KALRN: variants seen among roughly 807,000 people sequenced by gnomAD.
The protein encoded by KALRN is kalirin.
Under a neutral mutation model 353.7 loss-of-function variants are expected in KALRN, and 70 were observed. That is an observed-to-expected ratio of 0.20 (90% CI 0.16 to 0.24). The LOEUF is 0.24. KALRN is among the 10% of genes least tolerant of loss of function. The probability of loss-of-function intolerance (pLI) is 1.00; values close to 1 mark genes in which losing one functional copy is unlikely to be tolerated. For synonymous variants in KALRN, 1,391 were observed against 1,434.8 expected (o/e 0.97, Z 0.69); for missense variants, 2,791 against 3,756.7 (o/e 0.74, Z 6.72).
intron 33 of KALRN, among the ~76,000 whole-genome samples, chr3:124,506,140 A>G (rs1017264510): frequency 2.0e-5 from 3 of 152,246 alleles, no homozygotes; most frequent in Non-Finnish European, 2.9e-5. Context: ...GGCTTCTTCC[A>G]GGAGTGGTCA....
At chr3:124,086,759 CT>C (rs1372488092) in intron 1 of KALRN, among the ~76,000 whole-genome samples, 2 of 152,116 alleles carry the variant, frequency 1.3e-5, no homozygotes, top group African/African-American at 4.8e-5. Context: ...TATATGACCC[CT>C]ATACCTGTCT....
intron 34 of KALRN, among the ~76,000 whole-genome samples, chr3:124,623,658 T>C (rs1179967304): frequency 2.0e-5 from 3 of 152,142 alleles, no homozygotes; most frequent in Admixed American, 2.0e-4. Context: ...GGCAGCTGAT[T>C]AGATGGTGCC....
intron 5 of KALRN, among the ~76,000 whole-genome samples, chr3:124,281,888 A>C (rs1457952805): frequency 1.3e-5 from 2 of 152,164 alleles, no homozygotes; most frequent in Non-Finnish European, 2.9e-5. Context: ...ATAGAACAAA[A>C]CCTGTGAACA....
chr3:124,362,804 T>C (rs558146615), intron 10 of KALRN, among the ~76,000 whole-genome samples: 3 of 152,222 alleles, frequency 2.0e-5, no homozygotes, highest in Non-Finnish European at 4.4e-5. Flanking sequence ...ATGATGGACA[T>C]GTTTCATTTT....
intron 33 of KALRN, among the ~76,000 whole-genome samples, chr3:124,524,089 ATGGCATG>A (rs2067379611): frequency 6.6e-6 from 1 of 152,218 alleles, no homozygotes; most frequent in South Asian, 2.1e-4. Flanking sequence ...CTCAAAGAAC[ATGGCATG>A]TTATAGAACC....
intron 1 of KALRN, among the ~76,000 whole-genome samples, chr3:124,157,277 G>A (rs1220968748): frequency 6.6e-6 from 1 of 152,190 alleles, no homozygotes; most frequent in African/African-American, 2.4e-5. Flanking sequence ...TGGTGGAATA[G>A]GGTCCTGAAT....
intron 25 of KALRN, among the ~76,000 whole-genome samples, chr3:124,462,855 C>T (rs1577130950): frequency 6.6e-6 from 1 of 152,224 alleles, no homozygotes; most frequent in East Asian, 1.9e-4. Flanking sequence ...CTCCCCATCT[C>T]TCCTCAACAT....
chr3:124,325,798 T>C (rs748000550), intron 6 of KALRN, among the ~76,000 whole-genome samples, 182 bp from the exon 7 acceptor site: 7 of 152,220 alleles, frequency 4.6e-5, no homozygotes, highest in Non-Finnish European at 1.0e-4. Flanking sequence ...TGCTATCTAC[T>C]GAAATTGAAT....
At chr3:124,262,593 T>C (rs1276522344) in intron 3 of KALRN, among the ~76,000 whole-genome samples, 1 of 152,208 alleles carries the variant, frequency 6.6e-6, no homozygotes, top group Non-Finnish European at 1.5e-5. Flanking sequence ...CTTTCTCTCA[T>C]GCTGGAGAGA....
chr3:124,356,335 CTTTT>C (rs34741107), intron 10 of KALRN, among the ~76,000 whole-genome samples: 58 of 120,176 alleles, frequency 4.8e-4, no homozygotes, highest in South Asian at 8.5e-4. Context: ...TTTTCTTTTT[CTTTT>C]TTTTTTTTTT....
intron 3 of KALRN, among the ~76,000 whole-genome samples, chr3:124,238,090 G>T (rs1310492030): frequency 6.6e-6 from 1 of 152,180 alleles, no homozygotes; most frequent in South Asian, 2.1e-4. Flanking sequence ...ATTCAACTCT[G>T]TAACATTCAT....
At chr3:124,341,193 C>G (rs750283530) in intron 9 of KALRN, among the ~76,000 whole-genome samples, 1 of 152,168 alleles carries the variant, frequency 6.6e-6, no homozygotes, top group Non-Finnish European at 1.5e-5. Context: ...TTGGAAAAGA[C>G]TACTTTCTGG....
At chr3:124,102,761 G>A (rs1057297059) in intron 1 of KALRN, among the ~76,000 whole-genome samples, 1 of 152,212 alleles carries the variant, frequency 6.6e-6, no homozygotes, top group South Asian at 2.1e-4. Context: ...CTAATTCAAA[G>A]TTATATCCTA....
At chr3:124,368,663 G>A (rs967801172) in intron 10 of KALRN, among the ~76,000 whole-genome samples, 7 of 146,958 alleles carry the variant, frequency 4.8e-5, no homozygotes, top group East Asian at 2.1e-4. Flanking sequence ...ACGGGGTGGC[G>A]GCCGGGCAGA....
chr3:124,218,349 T>G (rs1226082078), intron 1 of KALRN, among the ~76,000 whole-genome samples: 1 of 152,202 alleles, frequency 6.6e-6, no homozygotes, highest in African/African-American at 2.4e-5. Context: ...GGAGCAAAGC[T>G]TTTCTGTGTC....
At chr3:124,653,681 G>T (rs927899379) in intron 38 of KALRN, among the ~76,000 whole-genome samples, 1 of 152,202 alleles carries the variant, frequency 6.6e-6, no homozygotes, top group Non-Finnish European at 1.5e-5. Flanking sequence ...GAGATTTTCT[G>T]TGGAAGACCA....
chr3:124,442,711 C>T (rs957176806), intron 19 of KALRN, among the ~76,000 whole-genome samples: 2 of 152,102 alleles, frequency 1.3e-5, no homozygotes, highest in Non-Finnish European at 2.9e-5. Flanking sequence ...ACACCCAAAC[C>T]GACTGAGTCA....
intron 34 of KALRN, among the ~76,000 whole-genome samples, chr3:124,625,753 AT>A (rs5852411): frequency 0.35 from 53,338 of 151,746 alleles, 10,777 homozygotes; most frequent in African/African-American, 0.55. Flanking sequence ...ATATTACAAA[AT>A]TATGATGTAG....
intron 1 of KALRN, among the ~76,000 whole-genome samples, 197 bp downstream of exon 1, chr3:124,034,010 C>T (rs1363522036): frequency 6.6e-6 from 1 of 151,912 alleles, no homozygotes; most frequent in Non-Finnish European, 1.5e-5. Flanking sequence ...GGCGTGGGGG[C>T]TGGGAACTCC....
Sources: allele counts gnomAD v4.1 joint callset (sites outside exome capture counted in the v4.1 genomes callset), GRCh38; gene constraint gnomAD v4.1.1; transcripts MANE v1.5; gene names NCBI Gene and HGNC (gene_info 2026-07-23, HGNC 2026-07-21).